Variants in GPR39 observed in about 807,000 individuals in gnomAD.
The protein encoded by GPR39 is zinc sensing receptor.
GPR39 carries 23 observed loss-of-function variants against 18.4 expected under a neutral mutation model. The observed-to-expected ratio is 1.25, with a 90% CI of 0.90 to 1.77. The LOEUF is 1.77. GPR39 is among the 40% of genes most tolerant of loss of function. The pLI, the probability that GPR39 is intolerant of heterozygous loss-of-function variation, is 0.00. For missense variants in GPR39, 647 were observed against 602.4 expected, an observed-to-expected ratio of 1.07 and a Z score of -0.78; for synonymous variants, 280 against 257.9, an observed-to-expected ratio of 1.09 and a Z score of -0.82.
chr2:132,459,356 C>T (rs930013195), intron 1 of GPR39, among the ~76,000 whole-genome samples: 2 of 152,194 alleles, frequency 1.3e-5, no homozygotes, highest in African/African-American at 4.8e-5. Flanking sequence ...TTCCAACTCT[C>T]CTGATTCTCC....
At chr2:132,565,031 A>G (rs542345021) in intron 1 of GPR39, among the ~76,000 whole-genome samples, 1 of 151,490 alleles carries the variant, frequency 6.6e-6, no homozygotes, top group African/African-American at 2.4e-5. Context: ...GTTGGCCAGG[A>G]TGGTCTCGAA....
At chr2:132,532,017 G>A (rs1006472234) in intron 1 of GPR39, among the ~76,000 whole-genome samples, 2 of 152,128 alleles carry the variant, frequency 1.3e-5, no homozygotes, top group African/African-American at 2.4e-5. Flanking sequence ...AACTGAAGGA[G>A]ATAGAGACAC....
At position 132,645,074 on chromosome 2, in the gene GPR39, C is replaced by G. The variant is rs375272701; in HGVS notation, c.857-27C>G. 51 of 1,587,658 alleles carry G rather than the reference C, an allele frequency of 3.2e-5. No homozygotes were observed. The Middle Eastern group carries it at 2.5e-3, about 79-fold the overall frequency. ...CATGCTGTGTTTTTCTTTTCTCTGT[C>G]TCTCCCTCCTGCTCGTGTCTGCCCA... On this transcript the variant is annotated intron_variant, in intron 1 of 1. Transcript: ENST00000329321.
At chr2:132,614,360 C>T (rs768559898) in intron 1 of GPR39, among the ~76,000 whole-genome samples, 2 of 151,642 alleles carry the variant, frequency 1.3e-5, no homozygotes, top group Non-Finnish European at 2.9e-5. Context: ...GTGCATGCCA[C>T]CACACCCAGC....
chr2:132,637,186 T>C (rs1032468403), intron 1 of GPR39, among the ~76,000 whole-genome samples: 4 of 152,238 alleles, frequency 2.6e-5, no homozygotes, highest in Admixed American at 6.5e-5. Context: ...TCCATTTACT[T>C]TGAGTGCAAG....
chr2:132,469,598 C>T (rs746800926), intron 1 of GPR39, among the ~76,000 whole-genome samples: 4 of 152,126 alleles, frequency 2.6e-5, no homozygotes, highest in South Asian at 2.1e-4. Flanking sequence ...TCTGGTTATG[C>T]GGGCCAGGTG....
chr2:132,487,095 G>A (rs1681356084), intron 1 of GPR39, among the ~76,000 whole-genome samples: 1 of 152,164 alleles, frequency 6.6e-6, no homozygotes, highest in African/African-American at 2.4e-5. Flanking sequence ...TAGGGAGAGA[G>A]ATGGGGGAAT....
intron 1 of GPR39, among the ~76,000 whole-genome samples, chr2:132,633,757 G>T (rs188453648): frequency 6.6e-6 from 1 of 152,034 alleles, no homozygotes; most frequent in Non-Finnish European, 1.5e-5. Flanking sequence ...AATGCTTGGT[G>T]ATTGTGACAG....
At chr2:132,452,693 G>C (rs1166868735) in intron 1 of GPR39, among the ~76,000 whole-genome samples, 2 of 133,682 alleles carry the variant, frequency 1.5e-5, no homozygotes, top group Non-Finnish European at 3.1e-5. Flanking sequence ...TGATCTCTTT[G>C]TTCAATTCCC....
rs191934438 is a variant in GPR39 at position 132,455,185 on chromosome 2, C to T, written c.856+37287C>T. Among the ~76,000 whole-genome samples, 797 of 152,198 alleles carry T rather than the reference C, an allele frequency of 5.2e-3. 4 individuals are homozygous for T. The highest frequency in any genetic ancestry group is 7.7e-3 in the Non-Finnish European group (525 of 68,008). On this transcript the variant is annotated intron_variant, in intron 1 of 1. Transcript: ENST00000329321. ...CCTGTAATTGGTCTTTTCAGAGATT[C>T]GACTTCTTCCTGGTTTAGTCTTGGG... is the stretch of plus-strand genomic sequence containing the variant.
At chr2:132,526,482 C>A (rs1307125871) in intron 1 of GPR39, among the ~76,000 whole-genome samples, 2 of 152,174 alleles carry the variant, frequency 1.3e-5, no homozygotes, top group African/African-American at 4.8e-5. Flanking sequence ...CAGCCAAACC[C>A]TAGTGGGATC....
chr2:132,437,440 G>T (rs1171266838), intron 1 of GPR39, among the ~76,000 whole-genome samples: 2 of 152,144 alleles, frequency 1.3e-5, no homozygotes, highest in African/African-American at 4.8e-5. Flanking sequence ...TGTGTGATTG[G>T]CTGGGGAGGG....
chr2:132,464,947 A>G (rs970784362), intron 1 of GPR39, among the ~76,000 whole-genome samples: 1 of 152,216 alleles, frequency 6.6e-6, no homozygotes, highest in South Asian at 2.1e-4. Context: ...ATTTTATGCT[A>G]AGAAGGAAAT....
At chr2:132,475,174 T>C (rs898903974) in intron 1 of GPR39, among the ~76,000 whole-genome samples, 2 of 152,232 alleles carry the variant, frequency 1.3e-5, no homozygotes, top group East Asian at 3.9e-4. Context: ...AATGTTCTCA[T>C]GTCAATCACC....
intron 1 of GPR39, among the ~76,000 whole-genome samples, chr2:132,442,179 G>A (rs986592908): frequency 3.9e-5 from 6 of 152,192 alleles, no homozygotes; most frequent in Admixed American, 3.9e-4. Context: ...TGATTGTTCA[G>A]TTGGAAAGCA....
At position 132,646,522 on chromosome 2, in the gene GPR39, G is replaced by C. The variant is rs1473318085; in HGVS notation, c.*916G>C. On this transcript the variant is annotated 3_prime_UTR_variant, in exon 2 of 2. Transcript: ENST00000329321. ...AAAGCGATTTGAGATGCCAATACCTGTGAATACCTGTTAATAAAGAGCTGT... is the reference window on the plus strand; with the variant it reads ...AAAGCGATTTGAGATGCCAATACCTCTGAATACCTGTTAATAAAGAGCTGT... The C allele has an allele frequency of 5.2e-6, 2 of 384,842 alleles. No individual in the cohort carries two copies. The highest frequency in any genetic ancestry group is 7.5e-5 in the East Asian group (2 of 26,676). 23.8% of individuals were successfully genotyped at this position (384,842 alleles called of 1,614,324 possible). A position where few individuals can be genotyped will look rare whatever the true frequency, so the allele number is the denominator to read the frequency against.
At position 132,645,492 on chromosome 2, in the gene GPR39, G is replaced by C. The variant is rs1682013483; in HGVS notation, c.1248G>C (p.Glu416Asp). 1 of 1,613,770 alleles carries C rather than the reference G, an allele frequency of 6.2e-7. No individual in the cohort carries two copies. Among genetic ancestry groups the C allele is most frequent in the Non-Finnish European group, 8.5e-7 (1 of 1,180,052 alleles). The change falls in exon 2 of 2, where the codon GAG (glutamate) becomes GAC (aspartate). Residue 416 changes from glutamate (E) to aspartate (D), a missense_variant. By Grantham distance (45) the Glu-to-Asp change is conservative. Transcript: ENST00000329321. ...EKIFLSTFQS[E>D]AEPQSKSQSL... ...TTTTCTTAAGCACTTTTCAGAGCGA[G>C]GCCGAGCCCCAGTCTAAGTCCCAGT...
At chr2:132,559,202 C>T (rs183770439) in intron 1 of GPR39, among the ~76,000 whole-genome samples, 10 of 152,130 alleles carry the variant, frequency 6.6e-5, no homozygotes, top group South Asian at 4.2e-4. Context: ...AAGAACTGAC[C>T]GAGGTTGGGA....
chr2:132,547,171 C>T (rs536693463), intron 1 of GPR39, among the ~76,000 whole-genome samples: 1 of 152,176 alleles, frequency 6.6e-6, no homozygotes, highest in East Asian at 1.9e-4. Context: ...CTAACAGAGT[C>T]CTTTGAGGGG....
Sources: gnomAD v4.1 joint callset for allele counts (sites outside exome capture counted in the v4.1 genomes callset) on GRCh38, gnomAD v4.1.1 for gene constraint, MANE v1.5 for transcripts, NCBI Gene and HGNC (gene_info 2026-07-23, HGNC 2026-07-21) for gene names.